C2: variants seen among roughly 807,000 people sequenced by gnomAD.
The protein encoded by C2 is C3/C5 convertase.
Under a neutral mutation model 85.2 loss-of-function variants are expected in C2, and 64 were observed. The observed-to-expected ratio is 0.75, with a 90% CI of 0.61 to 0.92. C2 has a LOEUF of 0.92. Among genes scored for constraint, C2 ranks in the 40% least tolerant of loss-of-function variants. C2 has a pLI of 0.00. For missense variants in C2, 820 were observed against 971.6 expected, an observed-to-expected ratio of 0.84 and a Z score of 2.07; for synonymous variants, 311 against 370.8, an observed-to-expected ratio of 0.84 and a Z score of 1.85.
chr6:31,910,649 T>G (rs1395030425), intron 1 of C2, among the ~76,000 whole-genome samples: 1 of 152,080 alleles, frequency 6.6e-6, no homozygotes, highest in Non-Finnish European at 1.5e-5. Context: ...ATGTGAAATT[T>G]CTGACTGTTA....
chr6:31,940,416 G>A (rs960180680), intron 9 of C2, among the ~76,000 whole-genome samples: 3 of 152,214 alleles, frequency 2.0e-5, no homozygotes, highest in Non-Finnish European at 2.9e-5. Context: ...CAGCAGCACA[G>A]CTGGCTAACT....
chr6:31,899,496 G>A (rs1197352730), upstream of C2: 3 of 180,216 alleles, frequency 1.7e-5, no homozygotes, highest in South Asian at 1.6e-4. Flanking sequence ...TTCTAAGCAG[G>A]AGCATGTCCT....
rs9461730 is a variant in C2, at chr6:31,914,480, A to G, written c.73+13341A>G. Among the ~76,000 whole-genome samples, 680 of 151,864 alleles carry G rather than the reference A, an allele frequency of 4.5e-3. 5 individuals are homozygous for G. Among genetic ancestry groups the G allele is most frequent in the African/African-American group, 0.014 (598 of 41,438 alleles). On this transcript the variant is annotated intron_variant, in intron 1 of 3. Transcript: ENST00000452202. ...GTGGTGTATGCCTGTAGTCCCAGCTACTTGGGAGGCTGAGGCAGAAGAATC... is the reference window on the plus strand; with the variant it reads ...GTGGTGTATGCCTGTAGTCCCAGCTGCTTGGGAGGCTGAGGCAGAAGAATC...
At chr6:31,926,358 G>GTCTTTTC (rs1367335911), upstream of C2, among the ~76,000 whole-genome samples, 4 of 150,002 alleles carry the variant, frequency 2.7e-5, no homozygotes. Flanking sequence ...TTGAGACAGA[G>GTCTTTTC]TCTTGCTCTT....
upstream of C2, chr6:31,899,970 C>G: frequency 6.2e-7 from 1 of 1,600,560 alleles, no homozygotes; most frequent in Non-Finnish European, 8.5e-7. Context: ...GCCTCCAGCA[C>G]GTTCTCGGCC....
chr6:31,934,709 C>T lies in C2; in HGVS notation c.849+410C>T, dbSNP rs1472611138. Reference sequence around the variant, plus strand: ...TTAAAACTTCAACATTTTGTGCAGGCTTTAAAATGTGTGTGATAGACTGGG... The same window carrying T: ...TTAAAACTTCAACATTTTGTGCAGGTTTTAAAATGTGTGTGATAGACTGGG... On this transcript the variant is annotated intron_variant, in intron 6 of 17. Coordinates refer to ENST00000299367, the MANE Select transcript of C2 (RefSeq NM_000063.6). 8 of 1,190,432 alleles carry T rather than the reference C, an allele frequency of 6.7e-6. No individual in the cohort carries two copies. The Admixed American group carries it at 1.2e-4, about 19-fold the overall frequency. 73.7% of individuals were successfully genotyped at this position (1,190,432 alleles called of 1,614,324 possible). A position where few individuals can be genotyped will look rare whatever the true frequency, so the allele number is the denominator to read the frequency against.
intron 3 of C2, among the ~76,000 whole-genome samples, chr6:31,932,998 C>G (rs867360848): frequency 8.5e-5 from 13 of 152,220 alleles, no homozygotes; most frequent in Non-Finnish European, 1.9e-4. Context: ...CGCCTGCAAT[C>G]GCAGGCACTC....
chr6:31,945,006 G>C lies in C2; in HGVS notation c.2056G>C (p.Glu686Gln). The change falls in exon 17 of 18, where the codon GAG becomes CAG. Residue 686 changes from glutamate to glutamine, a missense_variant. Coordinates refer to ENST00000299367, the MANE Select transcript of C2 (RefSeq NM_000063.6). The surrounding 1 kb of genome is among the most constrained non-coding windows in gnomAD (Gnocchi z 5.3). ...AGAATCTGGGGGAGCAGTTTTCCTT[G>C]AGCGGAGATTCAGGTTTTTTCAGGT... Reference protein sequence around the residue: ...KGESGGAVFLERRFRFFQVGL... With the variant: ...KGESGGAVFLQRRFRFFQVGL... 1 of 1,613,102 alleles carries C rather than the reference G, an allele frequency of 6.2e-7. No homozygotes were observed. The highest frequency in any genetic ancestry group is 8.5e-7 in the Non-Finnish European group (1 of 1,180,040).
In C2 at chr6:31,942,995, A is replaced by C; in HGVS notation, c.1256A>C (p.Asp419Ala). The C allele has an allele frequency of 6.2e-7, 1 of 1,613,026 alleles. No homozygotes were observed. Among genetic ancestry groups the C allele is most frequent in the South Asian group, 1.1e-5 (1 of 91,080 alleles). ...YAIGVGKLDV[D>A]WRELNELGSK... ...ATCGGGGTGGGCAAGCTGGATGTGG[A>C]CTGGAGAGAACTGAATGAGCTAGGG... Residue 419 changes from aspartate (D) to alanine (A), a missense_variant, in exon 10 of 18, where the codon GAC becomes GCC. Coordinates refer to ENST00000299367, the MANE Select transcript of C2 (RefSeq NM_000063.6).
chr6:31,924,294 A>T (rs565459494), upstream of C2, among the ~76,000 whole-genome samples: 14 of 152,350 alleles, frequency 9.2e-5, no homozygotes, highest in African/African-American at 3.4e-4. Context: ...ACCAAGCTAG[A>T]ATAACAGCAG....
rs1217444699 is a variant in C2 at position 31,921,968 on chromosome 6, A to G, written c.-100+1942A>G. Among the ~76,000 whole-genome samples, 2 of 152,130 alleles carry G rather than the reference A, an allele frequency of 1.3e-5. No individual in the cohort carries two copies. Among genetic ancestry groups the G allele is most frequent in the Non-Finnish European group, 2.9e-5 (2 of 68,012 alleles). ...TTACCATTGTGGGTGAGTGGAGGTCAATCCCACTCAGGAACCCTGGAGTGG... is the reference window on the plus strand; with the variant it reads ...TTACCATTGTGGGTGAGTGGAGGTCGATCCCACTCAGGAACCCTGGAGTGG... On this transcript the variant is annotated intron_variant, in intron 1 of 3. Transcript: ENST00000413154. The surrounding 1 kb of genome is among the most constrained non-coding windows in gnomAD (Gnocchi z 4.6).
Position 31,945,492 on chromosome 6 carries a change from AG to A in C2, c.*137del. On this transcript the variant is annotated 3_prime_UTR_variant, in exon 18 of 18. Transcript: ENST00000299367. This position sits in a 1 kb window ranked among gnomAD's most constrained non-coding sequence, Gnocchi z 5.3. Reference sequence around the variant, plus strand: ...TAAATCCGGGTCTCTAGGATGCCAGAGGCAGCGCACACAAGCTGGGAAATCC... The same window carrying A: ...TAAATCCGGGTCTCTAGGATGCCAGAGCAGCGCACACAAGCTGGGAAATCC... The A allele has an allele frequency of 5.8e-6, 5 of 864,728 alleles. No individual in the cohort carries two copies. The South Asian group carries it at 7.1e-5, about 12-fold the overall frequency. The allele number at this position is 864,728 out of a possible 1,614,324, so 53.6% of individuals were successfully genotyped here.
Position 31,945,531 on chromosome 6 carries a change from C to T in C2, c.*174C>T, listed in dbSNP as rs1397758093. On this transcript the variant is annotated 3_prime_UTR_variant, in exon 18 of 18. Transcript: ENST00000299367. The surrounding 1 kb of genome is among the most constrained non-coding windows in gnomAD (Gnocchi z 5.3). Reference sequence around the variant, plus strand: ...AGCTGGGAAATCCTCAGGGCTCCTACCAGCAGGACTGCCTCGCTGCCCCAC... The same window carrying T: ...AGCTGGGAAATCCTCAGGGCTCCTATCAGCAGGACTGCCTCGCTGCCCCAC... 13 of 673,270 alleles carry T rather than the reference C, an allele frequency of 1.9e-5. No homozygotes were observed. The highest frequency in any genetic ancestry group is 3.2e-5 in the Non-Finnish European group (12 of 380,188). 41.7% of individuals were successfully genotyped at this position (673,270 alleles called of 1,614,324 possible). A position where few individuals can be genotyped will look rare whatever the true frequency, so the allele number is the denominator to read the frequency against.
At position 31,904,046 on chromosome 6, in the gene C2, A is replaced by G. The variant is rs979624541; in HGVS notation, c.73+2907A>G. ...CGCAAATCATTAAAAAAATAAAATA[A>G]AAGCCCTATTCCTGTACCAAATGAG... On this transcript the variant is annotated intron_variant, in intron 1 of 3. Transcript: ENST00000452202. This position sits in a 1 kb window ranked among gnomAD's most constrained non-coding sequence, Gnocchi z 4.4. 1.3e-5 allele frequency among the ~76,000 whole-genome samples: 2 copies of G among 151,894 alleles called. 1 individual carries two copies. The highest frequency in any genetic ancestry group is 3.9e-4 in the East Asian group (2 of 5,168).
rs1186430203 is a variant in C2, at chr6:31,934,302, C to T, written c.849+3C>T. The T allele has an allele frequency of 6.3e-7, 1 of 1,593,876 alleles. No individual in the cohort carries two copies. Among genetic ancestry groups the T allele is most frequent in the East Asian group, 2.2e-5 (1 of 44,902 alleles). ...GCGCCTCCCTCATGGTGGACAGGGT[C>T]AGGAATCAGGAGTCTGCCTGCAGCA... On this transcript the variant is annotated splice_donor_region_variant and intron_variant, in intron 6 of 17. Transcript: ENST00000299367.
At chr6:31,900,637 G>T (rs751626028), upstream of C2, 1 of 1,612,802 alleles carries the variant, frequency 6.2e-7, no homozygotes, top group Admixed American at 1.7e-5. This position sits in a 1 kb window ranked among gnomAD's most constrained non-coding sequence, Gnocchi z 9.7. Context: ...CAGGGGGTTT[G>T]AGCCGGTGTG....
At chr6:31,930,378 G>A (rs1025853152) in intron 3 of C2, among the ~76,000 whole-genome samples, 10 of 152,118 alleles carry the variant, frequency 6.6e-5, no homozygotes, top group Non-Finnish European at 1.5e-4. Context: ...CACGGCATCC[G>A]GCCTTGTTTT....
At chr6:31,942,572 T>A (rs1770972443) in intron 9 of C2, among the ~76,000 whole-genome samples, 1 of 151,902 alleles carries the variant, frequency 6.6e-6, no homozygotes, top group South Asian at 2.1e-4. Context: ...TGAAAGTTTG[T>A]CTGGGGCATT....
At chr6:31,899,800 A>T (rs1767053904), upstream of C2, 1 of 974,680 alleles carries the variant, frequency 1.0e-6, no homozygotes, top group Non-Finnish European at 1.5e-6. Context: ...GGATGTGTGC[A>T]TCTGCTCAGC....
Sources: allele counts gnomAD v4.1 joint callset (sites outside exome capture counted in the v4.1 genomes callset), GRCh38; gene constraint gnomAD v4.1.1; non-coding constraint Gnocchi (gnomAD v3.1); transcripts MANE v1.5; gene names NCBI Gene and HGNC (gene_info 2026-07-23, HGNC 2026-07-21).